P2RY8: variants seen among roughly 807,000 people sequenced by gnomAD.
P2RY8 encodes S-geranylgeranyl-glutathione receptor P2RY8.
Under a neutral mutation model 10.0 loss-of-function variants are expected in P2RY8, and 6 were observed. The ratio of observed to expected loss-of-function variants is 0.60; its 90% CI spans 0.33 to 1.19. The LOEUF (loss-of-function observed/expected upper bound fraction) is 1.19, where lower values mean the gene tolerates loss of function less well. Among genes scored for constraint, P2RY8 ranks in the 50% most tolerant of loss-of-function variants. The pLI is 0.04. For missense variants in P2RY8, 456 were observed against 542.0 expected, an observed-to-expected ratio of 0.84 and a Z score of 1.58; for synonymous variants, 276 against 252.5, an observed-to-expected ratio of 1.09 and a Z score of -0.88.
At chrX:1,468,140 G>A (rs1256453344) in intron 1 of P2RY8, among the ~76,000 whole-genome samples, 2 of 151,572 alleles carry the variant, frequency 1.3e-5, no homozygotes, top group South Asian at 4.2e-4. Flanking sequence ...GTTTGGCTAT[G>A]TTGCCCAGGC....
chrX:1,497,091 G>A (rs1416228892), intron 1 of P2RY8, among the ~76,000 whole-genome samples: 5 of 150,070 alleles, frequency 3.3e-5, no homozygotes, highest in African/African-American at 2.4e-5. Flanking sequence ...TGGTGGTGGC[G>A]GGTGCCTGTA....
chrX:1,500,175 G>GT lies in P2RY8; in HGVS notation c.-24-33594dup, dbSNP rs1272934749. Among the ~76,000 whole-genome samples, 22 of 151,136 alleles carry GT rather than the reference G, an allele frequency of 1.5e-4. 1 individual carries two copies. Among genetic ancestry groups the GT allele is most frequent in the Middle Eastern group, 3.4e-3 (1 of 294 alleles). On this transcript the variant is annotated intron_variant, in intron 1 of 1. Transcript: ENST00000381297. ...GCCCGGCCTGTTGTTGTTTTTTAAT[G>GT]TTTTTTTTTAGTTTTCGGTGTACAA...
intron 1 of P2RY8, among the ~76,000 whole-genome samples, chrX:1,521,381 C>T (rs1393862455): frequency 6.6e-6 from 1 of 151,996 alleles, no homozygotes; most frequent in African/African-American, 2.4e-5. Context: ...CTCTCTGTCC[C>T]CAATAATATC....
At chrX:1,515,376 CTT>C (rs751109443) in intron 1 of P2RY8, among the ~76,000 whole-genome samples, 27 of 140,916 alleles carry the variant, frequency 1.9e-4, no homozygotes, top group Admixed American at 2.9e-4. Flanking sequence ...TTCTTTCTTT[CTT>C]TTTTTTTTTT....
Position 1,464,163 on chromosome X carries a change from G to A in P2RY8, c.*1316C>T, listed in dbSNP as rs1479536142. 3 of 233,292 alleles carry A rather than the reference G, an allele frequency of 1.3e-5. No individual in the cohort carries two copies. Among genetic ancestry groups the A allele is most frequent in the South Asian group, 3.6e-4 (2 of 5,536 alleles). 14.5% of individuals were successfully genotyped at this position (233,292 alleles called of 1,614,324 possible). On this transcript the variant is annotated 3_prime_UTR_variant, in exon 2 of 2. Coordinates refer to ENST00000381297, the MANE Select transcript of P2RY8 (RefSeq NM_178129.5). The stretch of plus-strand genomic sequence containing the variant: ...CGCAGAGCCCGTGGGCAGACAGGCA[G>A]CTCTCCCACTCCCACCTCCAGAATG...
intron 1 of P2RY8, among the ~76,000 whole-genome samples, chrX:1,527,400 A>G (rs1377521846): frequency 6.6e-6 from 1 of 151,964 alleles, no homozygotes; most frequent in Non-Finnish European, 1.5e-5. Flanking sequence ...TTCATGATCC[A>G]TTCATTCACT....
chrX:1,469,273 C>T (rs1368306585), intron 1 of P2RY8, among the ~76,000 whole-genome samples: 1 of 150,238 alleles, frequency 6.7e-6, no homozygotes, highest in Non-Finnish European at 1.5e-5. Flanking sequence ...AAGCGATTCT[C>T]CTGCCTCAGC....
At chrX:1,504,998 C>T (rs1302374538) in intron 1 of P2RY8, among the ~76,000 whole-genome samples, 2 of 151,610 alleles carry the variant, frequency 1.3e-5, no homozygotes, top group Non-Finnish European at 1.5e-5. Context: ...ATTAGCCGGG[C>T]GTGGTGGCAG....
intron 1 of P2RY8, among the ~76,000 whole-genome samples, chrX:1,511,543 G>A (rs113993661): frequency 0.21 from 32,253 of 151,992 alleles, 3,819 homozygotes; most frequent in Middle Eastern, 0.36. Context: ...TTTAAGCGAC[G>A]AGATCTCGGT....
At chrX:1,485,742 T>C (rs2091981041) in intron 1 of P2RY8, among the ~76,000 whole-genome samples, 1 of 148,586 alleles carries the variant, frequency 6.7e-6, no homozygotes, top group Non-Finnish European at 1.5e-5. Flanking sequence ...TTATATACGA[T>C]ATATTGTATA....
intron 1 of P2RY8, among the ~76,000 whole-genome samples, chrX:1,479,013 C>A (rs1490832569): frequency 6.6e-6 from 1 of 152,222 alleles, no homozygotes; most frequent in Admixed American, 6.5e-5. Flanking sequence ...GAAGCAGATG[C>A]AACCTCTTCT....
chrX:1,528,280 G>T (rs1286333232), intron 1 of P2RY8, among the ~76,000 whole-genome samples: 5 of 152,214 alleles, frequency 3.3e-5, no homozygotes, highest in African/African-American at 1.2e-4. Flanking sequence ...ATCTCACAGA[G>T]AGGCTGTCTG....
At chrX:1,483,000 G>T (rs1424787165) in intron 1 of P2RY8, among the ~76,000 whole-genome samples, 1 of 151,964 alleles carries the variant, frequency 6.6e-6, no homozygotes, top group Admixed American at 6.6e-5. Context: ...GCTAAATGAC[G>T]AGTTAATGGG....
chrX:1,506,575 A>G (rs113288178), intron 1 of P2RY8, among the ~76,000 whole-genome samples: 6,164 of 152,196 alleles, frequency 0.041, 341 homozygotes, highest in African/African-American at 0.12. Context: ...GTAAAGATGT[A>G]TCTACCACGT....
At chrX:1,487,225 T>C (rs1459031089) in intron 1 of P2RY8, among the ~76,000 whole-genome samples, 2 of 152,164 alleles carry the variant, frequency 1.3e-5, no homozygotes, top group Non-Finnish European at 2.9e-5. Flanking sequence ...CAGCATTGTT[T>C]CAATTTCCTC....
chrX:1,534,108 T>G (rs1216835022), intron 1 of P2RY8, among the ~76,000 whole-genome samples: 1 of 130,382 alleles, frequency 7.7e-6, no homozygotes, highest in Non-Finnish European at 1.5e-5. Flanking sequence ...TTATATATAA[T>G]ATATTTACAT....
At chrX:1,508,688 T>TCCAC (rs2092257308) in intron 1 of P2RY8, among the ~76,000 whole-genome samples, 2 of 87,068 alleles carry the variant, frequency 2.3e-5, no homozygotes, top group Admixed American at 1.1e-4. Flanking sequence ...CCATCATCCA[T>TCCAC]CCATCCATCC....
At chrX:1,496,900 C>T (rs1211007505) in intron 1 of P2RY8, among the ~76,000 whole-genome samples, 2 of 137,824 alleles carry the variant, frequency 1.5e-5, no homozygotes, top group South Asian at 2.4e-4. Context: ...TCAGTCACTC[C>T]GCTAGTAAAC....
intron 1 of P2RY8, among the ~76,000 whole-genome samples, chrX:1,514,283 G>C (rs751735886): frequency 6.6e-6 from 1 of 151,924 alleles, no homozygotes; most frequent in Non-Finnish European, 1.5e-5. Flanking sequence ...TCTGTGCTTG[G>C]TATGGACACC....
Sources: allele counts gnomAD v4.1 joint callset (sites outside exome capture counted in the v4.1 genomes callset), GRCh38; gene constraint gnomAD v4.1.1; transcripts MANE v1.5; gene names NCBI Gene and HGNC (gene_info 2026-07-23, HGNC 2026-07-21).